PDE4D: variants seen among roughly 807,000 people sequenced by gnomAD.
PDE4D encodes the protein phosphodiesterase 4D, also known as 3',5'-cyclic-AMP phosphodiesterase 4D.
Under a neutral mutation model 87.4 loss-of-function variants are expected in PDE4D, and 24 were observed. The ratio of observed to expected loss-of-function variants is 0.27; its 90% CI spans 0.20 to 0.39. PDE4D has a LOEUF of 0.39. PDE4D is among the 10% of genes least tolerant of loss of function. The probability of loss-of-function intolerance (pLI) is 1.00; values close to 1 mark genes in which losing one functional copy is unlikely to be tolerated. For missense variants in PDE4D, 714 were observed against 1,041.0 expected, an observed-to-expected ratio of 0.69 and a Z score of 4.32; for synonymous variants, 384 against 383.2, an observed-to-expected ratio of 1.00 and a Z score of -0.02.
chr5:59,488,076 G>A (rs541583073), intron 1 of PDE4D, among the ~76,000 whole-genome samples: 1 of 150,640 alleles, frequency 6.6e-6, no homozygotes, highest in South Asian at 2.1e-4. Flanking sequence ...TGGGGTCTAG[G>A]TGCTCCCTAG....
chr5:59,845,175 C>T lies in PDE4D; in HGVS notation c.455+47993G>A, dbSNP rs540037784. Among the ~76,000 whole-genome samples, 15 of 152,182 alleles carry T rather than the reference C, an allele frequency of 9.9e-5. No individual in the cohort carries two copies. The South Asian group carries it at 2.1e-3, about 21-fold the overall frequency. ...ATGTCAGCCTCTTGAGACTCTGATACGCACCTGACTCCTGACCCAGGGAAA... is the reference window on the plus strand; with the variant it reads ...ATGTCAGCCTCTTGAGACTCTGATATGCACCTGACTCCTGACCCAGGGAAA... On this transcript the variant is annotated intron_variant, in intron 1 of 14. Transcript: ENST00000340635.
chr5:59,746,761 A>G (rs1454903052), intron 1 of PDE4D, among the ~76,000 whole-genome samples: 1 of 151,958 alleles, frequency 6.6e-6, no homozygotes, highest in Non-Finnish European at 1.5e-5. Flanking sequence ...CTGGCTGCCC[A>G]CCGAGAATAC....
intron 1 of PDE4D, among the ~76,000 whole-genome samples, chr5:59,648,579 T>C (rs1011404163): frequency 1.3e-5 from 2 of 152,118 alleles, no homozygotes; most frequent in Non-Finnish European, 2.9e-5. Flanking sequence ...AACTGATAGG[T>C]TGTGTTTGGA....
intron 2 of PDE4D, among the ~76,000 whole-genome samples, chr5:60,063,168 A>G (rs62370571): frequency 2.6e-5 from 4 of 151,588 alleles, no homozygotes; most frequent in African/African-American, 9.7e-5. Flanking sequence ...GAAAGAAAGA[A>G]AGAAAAAGAG....
chr5:59,480,410 G>A (rs183965130), intron 1 of PDE4D, among the ~76,000 whole-genome samples: 22 of 152,220 alleles, frequency 1.4e-4, no homozygotes, highest in African/African-American at 4.8e-4. Flanking sequence ...TCTCTGAATA[G>A]TCTGAGATTT....
chr5:60,212,053 A>G (rs1225767571), intron 1 of PDE4D, among the ~76,000 whole-genome samples: 1 of 152,228 alleles, frequency 6.6e-6, no homozygotes, highest in African/African-American at 2.4e-5. Context: ...AAAGGAAGAT[A>G]TCGTTGCATA....
chr5:60,482,315 G>GT (rs1748792281), intron 1 of PDE4D, among the ~76,000 whole-genome samples: 3 of 151,772 alleles, frequency 2.0e-5, no homozygotes, highest in African/African-American at 7.3e-5. Context: ...CTCCAGAACT[G>GT]TAAAAAAAAA....
intron 5 of PDE4D, among the ~76,000 whole-genome samples, chr5:59,157,995 T>C (rs1345793): frequency 0.57 from 86,111 of 152,014 alleles, 24,653 homozygotes; most frequent in Non-Finnish European, 0.61. Flanking sequence ...TGAGTGGCTC[T>C]CCATTGGGCT....
chr5:60,416,846 T>C (rs1275238862), intron 1 of PDE4D, among the ~76,000 whole-genome samples: 2 of 152,208 alleles, frequency 1.3e-5, no homozygotes, highest in East Asian at 1.9e-4. Context: ...ACATGCTGTG[T>C]CCCACTTTAC....
intron 1 of PDE4D, among the ~76,000 whole-genome samples, chr5:60,256,947 A>G (rs911900542): frequency 6.6e-6 from 1 of 151,904 alleles, no homozygotes; most frequent in African/African-American, 2.4e-5. Flanking sequence ...ATGCACCCAC[A>G]TGGTAACTAT....
Position 59,778,829 on chromosome 5 carries a change from A to G in PDE4D, c.455+114339T>C, listed in dbSNP as rs1370038788. Among the ~76,000 whole-genome samples, 3 of 152,312 alleles carry G rather than the reference A, an allele frequency of 2.0e-5. No homozygotes were observed. The East Asian group carries it at 5.8e-4, about 29-fold the overall frequency. ...CTAAAAAGGTAGGGTGTTCAAATCAATTTATACTGATCTATCTACTAAAAT... is the reference window on the plus strand; with the variant it reads ...CTAAAAAGGTAGGGTGTTCAAATCAGTTTATACTGATCTATCTACTAAAAT... On this transcript the variant is annotated intron_variant, in intron 1 of 14. Transcript: ENST00000340635.
chr5:59,580,684 G>A (rs905031149), intron 1 of PDE4D, among the ~76,000 whole-genome samples: 1 of 151,938 alleles, frequency 6.6e-6, no homozygotes, highest in Non-Finnish European at 1.5e-5. Context: ...TGTTCAGGCT[G>A]GTCTCTAATA....
At chr5:59,719,973 A>G (rs72751234) in intron 1 of PDE4D, among the ~76,000 whole-genome samples, 28,287 of 152,068 alleles carry the variant, frequency 0.19, 3,186 homozygotes, top group South Asian at 0.26. Flanking sequence ...TTTTCCCATA[A>G]AATTCTCCCA....
intron 3 of PDE4D, chr5:59,986,760 G>C (rs1373346784): frequency 6.6e-6 from 1 of 152,140 alleles, no homozygotes; most frequent in Non-Finnish European, 1.5e-5. Flanking sequence ...AAATAATGTG[G>C]TTTATGCTGC....
intron 1 of PDE4D, among the ~76,000 whole-genome samples, chr5:59,670,882 C>T (rs1018169579): frequency 1.3e-5 from 2 of 151,838 alleles, no homozygotes; most frequent in Non-Finnish European, 2.9e-5. Context: ...GTTACCCAGG[C>T]TGGCCTTGAA....
At chr5:60,487,331 AT>A (rs1426300588) in intron 1 of PDE4D, among the ~76,000 whole-genome samples, 1 of 152,210 alleles carries the variant, frequency 6.6e-6, no homozygotes, top group Non-Finnish European at 1.5e-5. Flanking sequence ...CAACAAGCGC[AT>A]GGTTTTTCAT....
At chr5:58,989,640 G>A (rs1278507976) in intron 10 of PDE4D, 115 bp downstream of exon 10, 8 of 621,310 alleles carry the variant, frequency 1.3e-5, no homozygotes, top group Admixed American at 3.4e-5. Flanking sequence ...AAGTCAATAA[G>A]TTATACTTCC....
intron 1 of PDE4D, among the ~76,000 whole-genome samples, chr5:60,319,809 G>A (rs1216040547): frequency 1.3e-5 from 2 of 152,194 alleles, no homozygotes; most frequent in African/African-American, 2.4e-5. Context: ...ATATTGGTGA[G>A]CAGCAAATGT....
intron 1 of PDE4D, among the ~76,000 whole-genome samples, chr5:59,310,359 G>A (rs1772332558): frequency 6.6e-6 from 1 of 152,036 alleles, no homozygotes; most frequent in South Asian, 2.1e-4. Flanking sequence ...TTCTTTCTCT[G>A]CTTAATATTG....
Sources: gnomAD v4.1 joint callset for allele counts (sites outside exome capture counted in the v4.1 genomes callset) on GRCh38, gnomAD v4.1.1 for gene constraint, MANE v1.5 for transcripts, NCBI Gene and HGNC (gene_info 2026-07-23, HGNC 2026-07-21) for gene names.